The following JAG2 variants were observed in gnomAD, a reference collection of about 807,000 sequenced individuals.
JAG2 encodes protein jagged-2.
JAG2 carries 46 observed loss-of-function variants against 141.7 expected under a neutral mutation model. That is an observed-to-expected ratio of 0.32 (90% CI 0.26 to 0.42). The LOEUF (loss-of-function observed/expected upper bound fraction) is 0.42. Among genes scored for constraint, JAG2 ranks in the 10% least tolerant of loss-of-function variants. The probability of loss-of-function intolerance (pLI) is 1.00; values close to 1 mark genes in which losing one functional copy is unlikely to be tolerated. For synonymous variants in JAG2, 862 were observed against 763.5 expected, an observed-to-expected ratio of 1.13 and a Z score of -2.13; for missense variants, 1,500 against 1,817.5, an observed-to-expected ratio of 0.83 and a Z score of 3.18.
chr14:105,145,144 G>A (rs1888185431), intron 23 of JAG2, 83 bp from the exon 24 acceptor site: 8 of 1,556,718 alleles, frequency 5.1e-6, no homozygotes, highest in East Asian at 2.3e-5. Context: ...GTGGGTACAC[G>A]TGGGACACAC....
At chr14:105,155,354 T>A (rs1048121483) in intron 5 of JAG2, among the ~76,000 whole-genome samples, 3 of 152,066 alleles carry the variant, frequency 2.0e-5, no homozygotes, top group African/African-American at 7.2e-5. Flanking sequence ...CTCACTGTCC[T>A]CACATGGCTG....
intron 24 of JAG2, 94 bp downstream of exon 24, chr14:105,144,836 C>T: frequency 6.7e-7 from 1 of 1,501,532 alleles, no homozygotes; most frequent in South Asian, 1.2e-5. Context: ...CGCACCAGGA[C>T]TAGCCTCGCC....
intron 15 of JAG2, 96 bp downstream of exon 15, chr14:105,148,649 G>C: frequency 8.5e-7 from 1 of 1,175,610 alleles, no homozygotes; most frequent in South Asian, 1.4e-5. Flanking sequence ...TCTGGGTACG[G>C]GGCCTGCCGC....
chr14:105,146,890 T>C, intron 20 of JAG2, 166 bp from the exon 21 acceptor site: 4 of 694,948 alleles, frequency 5.8e-6, no homozygotes, highest in Non-Finnish European at 1.0e-5. Flanking sequence ...GAGGCCTTCC[T>C]GAGCCCAGCC....
At position 105,149,051 on chromosome 14, in the gene JAG2, G is replaced by A; in HGVS notation, c.1792C>T (p.Pro598Ser). The A allele has an allele frequency of 6.2e-7, 1 of 1,609,262 alleles. No individual in the cohort carries two copies. The highest frequency in any genetic ancestry group is 1.3e-5 in the African/African-American group (1 of 74,986). The change falls in exon 14 of 26, where the codon CCT becomes TCT. Residue 598 changes from proline to serine, a missense_variant. Physicochemically the swap from Pro to Ser is moderately conservative, Grantham distance 74. Transcript: ENST00000331782. ...CACACGCCGGAGGCTGCTGTGCCAG[G>A]CATCCCAGGCCCCGCGTCTGACCCG... ...GCGSDAGPGM[P>S]GTAASGVCGP...
rs1806957902 is a variant in JAG2 at position 105,154,277 on chromosome 14, G to C, written c.788+1285C>G. ...ATGGAGGCAAACCCACTCCACAGAG[G>C]GAGGTCCTGGGACCCCTGCAATCCA... On this transcript the variant is annotated intron_variant, in intron 5 of 25. Transcript: ENST00000331782. This position sits in a 1 kb window ranked among gnomAD's most constrained non-coding sequence, Gnocchi z 4.4. 6.6e-6 allele frequency among the ~76,000 whole-genome samples: 1 copy of C among 152,200 alleles called. No individual in the cohort carries two copies. The highest frequency in any genetic ancestry group is 1.5e-5 in the Non-Finnish European group (1 of 68,022).
chr14:105,148,848 G>C lies in JAG2; in HGVS notation c.1917C>G (p.Asp639Glu). ...TGTYCHENIDDCLGQPCRNGG... is the reference protein window; with the variant it reads ...TGTYCHENIDECLGQPCRNGG... ...CATTGCGGCAGGGCTGGCCCAGGCA[G>C]TCGTCAATGTCTGCAGAGGCGAGCG... The change falls in exon 15 of 26, where the codon GAC becomes GAG. Residue 639 changes from aspartate (D) to glutamate (E), a missense_variant. This residue lies in a region of JAG2 where 875 missense variants were observed against 1,202.2 expected (regional missense o/e 0.73). Transcript: ENST00000331782. 2 of 1,591,874 alleles carry C rather than the reference G, an allele frequency of 1.3e-6. No homozygotes were observed. Among genetic ancestry groups the C allele is most frequent in the Non-Finnish European group, 1.7e-6 (2 of 1,170,084 alleles).
chr14:105,167,746 A>G lies in JAG2; in HGVS notation c.417+11T>C. 6.9e-7 allele frequency: 1 copy of G among 1,450,456 alleles called. No individual in the cohort carries two copies. The highest frequency in any genetic ancestry group is 9.1e-7 in the Non-Finnish European group (1 of 1,103,010). 89.8% of individuals were successfully genotyped at this position (1,450,456 alleles called of 1,614,324 possible). On this transcript the variant is annotated intron_variant, in intron 2 of 25. Coordinates refer to ENST00000331782, the MANE Select transcript of JAG2 (RefSeq NM_002226.5). The surrounding 1 kb of genome is among the most constrained non-coding windows in gnomAD (Gnocchi z 4.8). The stretch of plus-strand genomic sequence containing the variant: ...GGAAGGGCTGGAGCACGAGGGATGG[A>G]GCGCACGTACCGGCCAGGCGAACTG...
rs200312179 is a variant in JAG2, at chr14:105,155,883, G to A, written c.582C>T (p.Ile194=). 7.1e-5 allele frequency: 115 copies of A among 1,612,218 alleles called. No individual in the cohort carries two copies. Among genetic ancestry groups the A allele is most frequent in the Admixed American group, 4.7e-4 (28 of 59,944 alleles). ...AGTAGTTCTCGTCGCAGCGCACGCG[G>A]ATCTGCAGCTCCAGGTGCGCCACGT... The part of the protein sequence containing the change: ...SGHVAHLELQ[I]RVRCDENYYS... Residue 194 remains isoleucine, a synonymous_variant, in exon 4 of 26, where the codon ATC becomes ATT. Coordinates refer to ENST00000331782, the MANE Select transcript of JAG2 (RefSeq NM_002226.5).
At chr14:105,168,317 C>T in intron 1 of JAG2, 38 bp downstream of exon 1, 1 of 734,716 alleles carries the variant, frequency 1.4e-6, no homozygotes, top group Non-Finnish European at 1.7e-6. Context: ...CCGGTGTGCC[C>T]CGTCCGCGAC....
intron 12 of JAG2, among the ~76,000 whole-genome samples, chr14:105,150,235 G>A (rs1330073126): frequency 2.6e-5 from 4 of 151,950 alleles, no homozygotes; most frequent in Non-Finnish European, 5.9e-5. Flanking sequence ...TATGACAGGT[G>A]TATACCTCTC....
At chr14:105,144,805 CA>C (rs1436178522) in intron 24 of JAG2, 124 bp downstream of exon 24, 4 of 1,270,250 alleles carry the variant, frequency 3.1e-6, no homozygotes, top group Non-Finnish European at 3.3e-6. Flanking sequence ...CGCAGGGAGA[CA>C]GGCCTGCCCG....
At chr14:105,144,795 C>T (rs991464355) in intron 24 of JAG2, 135 bp downstream of exon 24, 16 of 1,179,288 alleles carry the variant, frequency 1.4e-5, no homozygotes, top group South Asian at 2.7e-5. Flanking sequence ...AGCGAGGGGC[C>T]GCAGGGAGAC....
rs1888961832 is a variant in JAG2 at position 105,167,689 on chromosome 14, G to A, written c.417+68C>T. 3.8e-6 allele frequency: 5 copies of A among 1,325,266 alleles called. No homozygotes were observed. The highest frequency in any genetic ancestry group is 3.7e-5 in the Admixed American group (1 of 27,370). The allele number at this position is 1,325,266 out of a possible 1,614,324, so 82.1% of individuals were successfully genotyped here. ...CCCGGCCGCAGGTGTTGGGGGTCGC[G>A]AAGCGCGCGGGGCCGGGGCGCGGAG... On this transcript the variant is annotated intron_variant, in intron 2 of 25. Transcript: ENST00000331782. The surrounding 1 kb of genome is among the most constrained non-coding windows in gnomAD (Gnocchi z 4.8).
chr14:105,157,317 C>T (rs866866952), intron 3 of JAG2, among the ~76,000 whole-genome samples: 1 of 151,994 alleles, frequency 6.6e-6, no homozygotes, highest in Admixed American at 6.6e-5. Flanking sequence ...GAAGTCATCC[C>T]GTTACCCCTG....
chr14:105,153,621 G>A (rs944444683), intron 5 of JAG2, among the ~76,000 whole-genome samples: 6 of 152,150 alleles, frequency 3.9e-5, no homozygotes, highest in Non-Finnish European at 8.8e-5. Context: ...CCGGTGGGGG[G>A]GCGTCCTGCA....
chr14:105,159,696 CCCCGCAACATGCTCCATCCACA>C (rs1888677586), intron 2 of JAG2, among the ~76,000 whole-genome samples: 1 of 133,146 alleles, frequency 7.5e-6, no homozygotes, highest in African/African-American at 2.9e-5. Flanking sequence ...TCCATCCACA[CCCCGCAACATGCTCCATCCACA>C]CCCCCCCAGA....
chr14:105,148,627 T>C (rs1201316878), intron 15 of JAG2, 118 bp downstream of exon 15: 3 of 1,022,290 alleles, frequency 2.9e-6, no homozygotes, highest in East Asian at 2.6e-5. Context: ...CAGCACCCCC[T>C]GGCCAGGCCT....
Position 105,146,622 on chromosome 14 carries a change from CG to C in JAG2, c.2581del (p.Arg861GlyfsTer5). ...CACACGGGGCCTACCTTCCTGGCAC[CG>C]GGGGCCGGCTCGGCCGGGTGGGCAG... is the stretch of plus-strand genomic sequence containing the variant. ...CSCPPGRAGP[R>X]CQEVIGFGRS... On this transcript the variant is annotated frameshift_variant, in exon 21 of 26. Coordinates refer to ENST00000331782, the MANE Select transcript of JAG2 (RefSeq NM_002226.5). LOFTEE classifies it high-confidence loss of function. 1 of 1,612,520 alleles carries C rather than the reference CG, an allele frequency of 6.2e-7. No homozygotes were observed. The highest frequency in any genetic ancestry group is 8.5e-7 in the Non-Finnish European group (1 of 1,179,766).
Sources: allele counts gnomAD v4.1 joint callset (sites outside exome capture counted in the v4.1 genomes callset), GRCh38; gene constraint gnomAD v4.1.1; regional missense constraint gnomAD v4.1.1; non-coding constraint Gnocchi (gnomAD v3.1); transcripts MANE v1.5; gene names NCBI Gene and HGNC (gene_info 2026-07-23, HGNC 2026-07-21).